Variants in CNTN1 observed in about 807,000 individuals in gnomAD.
CNTN1 encodes contactin 1.
In CNTN1, 38 loss-of-function variants were observed where a neutral mutation model predicts 126.4. The observed-to-expected ratio is 0.30, with a 90% CI of 0.23 to 0.39. CNTN1 has a LOEUF of 0.39. Among genes scored for constraint, CNTN1 ranks in the 10% least tolerant of loss-of-function variants. The pLI is 1.00. For synonymous variants in CNTN1, 413 were observed against 422.6 expected (o/e 0.98, Z 0.28); for missense variants, 1,009 against 1,248.4 (o/e 0.81, Z 2.89).
intron 1 of CNTN1, among the ~76,000 whole-genome samples, chr12:40,768,346 G>A (rs938934945): frequency 3.9e-5 from 6 of 152,116 alleles, no homozygotes; most frequent in Admixed American, 6.6e-5. Context: ...GTCCATACCC[G>A]GGCAATTTCA....
At position 41,003,176 on chromosome 12, in the gene CNTN1, C is replaced by A. The variant is rs1566122007; in HGVS notation, c.2113+9907C>A. 1.3e-5 allele frequency among the ~76,000 whole-genome samples: 2 copies of A among 152,068 alleles called. 1 individual carries two copies. Among genetic ancestry groups the A allele is most frequent in the South Asian group, 4.1e-4 (2 of 4,820 alleles). Reference sequence around the variant, plus strand: ...ACGGGGTGTTGAATTTTATCAAAAGCCTTTTCTGTATCTATTGATTTAATC... The same window carrying A: ...ACGGGGTGTTGAATTTTATCAAAAGACTTTTCTGTATCTATTGATTTAATC... On this transcript the variant is annotated intron_variant, in intron 17 of 23. Transcript: ENST00000551295.
intron 1 of CNTN1, among the ~76,000 whole-genome samples, chr12:40,808,877 G>T (rs1056043260): frequency 2.0e-5 from 3 of 152,092 alleles, no homozygotes; most frequent in African/African-American, 7.2e-5. Context: ...TCATACATCT[G>T]CATGGTCCAA....
intron 17 of CNTN1, among the ~76,000 whole-genome samples, chr12:41,000,976 T>C (rs1266807719): frequency 6.6e-6 from 1 of 152,220 alleles, no homozygotes; most frequent in African/African-American, 2.4e-5. Flanking sequence ...TTCTTTTTTA[T>C]GGCTGCATAG....
In CNTN1 at chr12:40,993,114, A is replaced by G; in HGVS notation, c.1964-6A>G. 4 of 1,611,034 alleles carry G rather than the reference A, an allele frequency of 2.5e-6. No homozygotes were observed. Among genetic ancestry groups the G allele is most frequent in the Non-Finnish European group, 3.4e-6 (4 of 1,177,250 alleles). ...GTATTCTCTATTTACTATTTATTTT[A>G]TTCAGATCCCCCAATTATTGAAGGA... On this transcript the variant is annotated splice_polypyrimidine_tract_variant and splice_region_variant and intron_variant, in intron 16 of 23. Transcript: ENST00000551295.
chr12:40,742,642 C>A (rs184230273), intron 1 of CNTN1, among the ~76,000 whole-genome samples: 25 of 151,936 alleles, frequency 1.6e-4, no homozygotes, highest in Admixed American at 1.4e-3. Flanking sequence ...TGGACTCAAG[C>A]AATCTTCCCT....
At chr12:40,947,170 C>A (rs1791871428) in intron 14 of CNTN1, among the ~76,000 whole-genome samples, 1 of 151,896 alleles carries the variant, frequency 6.6e-6, no homozygotes, top group Admixed American at 6.6e-5. Flanking sequence ...ACACCTAGTA[C>A]TGATTATAGA....
rs563652538 is a variant in CNTN1, at chr12:41,020,260, A to G, written c.2420-77A>G. The G allele has an allele frequency of 2.5e-5, 22 of 894,844 alleles. 1 individual carries two copies. Among genetic ancestry groups the G allele is most frequent in the South Asian group, 2.2e-4 (15 of 68,198 alleles). 55.4% of individuals were successfully genotyped at this position (894,844 alleles called of 1,614,324 possible). The stretch of plus-strand genomic sequence containing the variant: ...ATTAAAGTATGGTCCAACATCATTC[A>G]TATAGCAAATGATGCTATTCGAATT... On this transcript the variant is annotated intron_variant, in intron 19 of 23. Transcript: ENST00000551295.
At chr12:40,720,452 C>T (rs1033604256) in intron 1 of CNTN1, among the ~76,000 whole-genome samples, 6 of 151,646 alleles carry the variant, frequency 4.0e-5, no homozygotes, top group African/African-American at 1.5e-4. Flanking sequence ...ACGAGTCATG[C>T]AGTACAACCA....
chr12:40,720,505 CTGTT>C (rs550466939), intron 1 of CNTN1, among the ~76,000 whole-genome samples: 80 of 152,042 alleles, frequency 5.3e-4, no homozygotes, highest in African/African-American at 1.5e-3. Flanking sequence ...GTTTATGTGA[CTGTT>C]TGTTTTGTGT....
chr12:40,929,336 GCACACA>G (rs529408610), intron 6 of CNTN1, among the ~76,000 whole-genome samples: 3 of 148,682 alleles, frequency 2.0e-5, no homozygotes, highest in African/African-American at 5.0e-5. Flanking sequence ...TAAAATAGGT[GCACACA>G]CACACACACA....
chr12:40,866,298 T>A (rs574519182), intron 1 of CNTN1, among the ~76,000 whole-genome samples: 22 of 152,254 alleles, frequency 1.4e-4, no homozygotes, highest in Admixed American at 4.6e-4. Flanking sequence ...TGGGTTTATT[T>A]TATTTCTATT....
intron 6 of CNTN1, among the ~76,000 whole-genome samples, chr12:40,928,219 T>A (rs915144770): frequency 6.6e-6 from 1 of 152,052 alleles, no homozygotes; most frequent in African/African-American, 2.4e-5. Flanking sequence ...AATTTGGATT[T>A]ACATTTCAAC....
chr12:40,934,905 C>T (rs2136923818), intron 9 of CNTN1, among the ~76,000 whole-genome samples: 1 of 152,054 alleles, frequency 6.6e-6, no homozygotes, highest in South Asian at 2.1e-4. Flanking sequence ...CAGTTGGTCC[C>T]TCCCTTCTTC....
chr12:41,066,120 A>C (rs997600324), intron 23 of CNTN1, among the ~76,000 whole-genome samples: 4 of 152,226 alleles, frequency 2.6e-5, no homozygotes, highest in African/African-American at 9.6e-5. Flanking sequence ...AGAATAAAAA[A>C]TAATGTCGGA....
chr12:40,698,228 A>ATTTTTTTTTTTTTTT (rs35570862), intron 1 of CNTN1, among the ~76,000 whole-genome samples: 19 of 69,866 alleles, frequency 2.7e-4, no homozygotes, highest in African/African-American at 9.3e-4. Flanking sequence ...CAGCCACTTA[A>ATTTTTTTTTTTTTTT]TTTTTTTTTT....
At chr12:40,841,855 A>G (rs11178706) in intron 1 of CNTN1, among the ~76,000 whole-genome samples, 45,641 of 151,888 alleles carry the variant, frequency 0.3, 7,703 homozygotes, top group East Asian at 0.55. Flanking sequence ...CCTTTTCCTT[A>G]AGAACTAGAA....
intron 1 of CNTN1, among the ~76,000 whole-genome samples, chr12:40,887,422 G>A (rs1264457678): frequency 6.6e-6 from 1 of 152,108 alleles, no homozygotes; most frequent in African/African-American, 2.4e-5. Flanking sequence ...AATGCTCGTC[G>A]TCACTGGCCA....
intron 1 of CNTN1, among the ~76,000 whole-genome samples, chr12:40,853,116 T>G (rs1942778975): frequency 6.6e-6 from 1 of 152,120 alleles, no homozygotes; most frequent in African/African-American, 2.4e-5. Context: ...AAATTAAGTT[T>G]TATAATTTCT....
At chr12:40,841,080 C>T (rs34409157) in intron 1 of CNTN1, among the ~76,000 whole-genome samples, 1 of 151,198 alleles carries the variant, frequency 6.6e-6, no homozygotes, top group African/African-American at 2.4e-5. Flanking sequence ...GCAGAAAGAC[C>T]TAAATAAACA....
Sources: gnomAD v4.1 joint callset for allele counts (sites outside exome capture counted in the v4.1 genomes callset) on GRCh38, gnomAD v4.1.1 for gene constraint, MANE v1.5 for transcripts, NCBI Gene and HGNC (gene_info 2026-07-23, HGNC 2026-07-21) for gene names.